SCAI: variants seen among roughly 807,000 people sequenced by gnomAD.
The protein encoded by SCAI is suppressor of cancer cell invasion.
A neutral mutation model predicts 92.2 loss-of-function variants in SCAI; 24 were observed. The observed-to-expected ratio is 0.26, with a 90% CI of 0.19 to 0.37. The LOEUF (loss-of-function observed/expected upper bound fraction) is 0.37. SCAI is among the 10% of genes least tolerant of loss of function. The pLI, the probability that SCAI is intolerant of heterozygous loss-of-function variation, is 1.00. For missense variants in SCAI, 450 were observed against 736.2 expected (o/e 0.61, Z 4.50); for synonymous variants, 261 against 258.6 (o/e 1.01, Z -0.09).
intron 14 of SCAI, among the ~76,000 whole-genome samples, chr9:124,985,142 C>T (rs568527716): frequency 6.6e-6 from 1 of 152,146 alleles, no homozygotes; most frequent in Non-Finnish European, 1.5e-5. Context: ...AAGGGTACAC[C>T]CTTTAACCTG....
intron 17 of SCAI, among the ~76,000 whole-genome samples, chr9:124,964,815 C>T (rs143698102): frequency 4.6e-5 from 7 of 152,214 alleles, no homozygotes; most frequent in African/African-American, 1.7e-4. Context: ...GTTGTCCAGA[C>T]CTTCTTGTTG....
chr9:125,141,162 TAAATA>T (rs1485134155), intron 2 of SCAI, among the ~76,000 whole-genome samples: 3 of 152,174 alleles, frequency 2.0e-5, no homozygotes, highest in Admixed American at 1.3e-4. Flanking sequence ...TAATTACAAT[TAAATA>T]AAATTAAAAA....
In SCAI at chr9:125,018,816, C is replaced by T; in HGVS notation, c.844G>A (p.Gly282Ser). The change falls in exon 9 of 18, where the codon GGT (glycine) becomes AGT (serine). Residue 282 changes from glycine (G) to serine (S), a missense_variant. Gly to Ser is a moderately conservative substitution (Grantham distance 56). Transcript: ENST00000336505. The part of the protein sequence containing the change: ...QLSLADALII[G>S]NCNNQVKFSE... ...TTCTTTACCTGATTATTACAATTAC[C>T]AATAATGAGTGCGTCAGCCAGAGAC... 6.2e-7 allele frequency: 1 copy of T among 1,610,302 alleles called. No homozygotes were observed. Among genetic ancestry groups the T allele is most frequent in the Non-Finnish European group, 8.5e-7 (1 of 1,178,944 alleles).
intron 2 of SCAI, among the ~76,000 whole-genome samples, chr9:125,076,324 C>T (rs1269520172): frequency 6.7e-6 from 1 of 149,186 alleles, no homozygotes; most frequent in Non-Finnish European, 1.5e-5. Context: ...CATGGTGAGA[C>T]CCCATTGCTA....
At chr9:125,090,341 T>A (rs1217798722) in intron 2 of SCAI, among the ~76,000 whole-genome samples, 1 of 150,336 alleles carries the variant, frequency 6.7e-6, no homozygotes, top group South Asian at 2.1e-4. Flanking sequence ...AGGGAGGATG[T>A]GGAGGAGAGA....
chr9:124,946,207 C>T lies in SCAI; in HGVS notation c.*6600G>A, dbSNP rs1350797279. 2 of 152,130 alleles carry T rather than the reference C, an allele frequency of 1.3e-5. No individual in the cohort carries two copies. Among genetic ancestry groups the T allele is most frequent in the East Asian group, 3.8e-4 (2 of 5,204 alleles). 9.4% of individuals were successfully genotyped at this position (152,130 alleles called of 1,614,324 possible). On this transcript the variant is annotated 3_prime_UTR_variant, in exon 18 of 18. Transcript: ENST00000336505. The surrounding 1 kb of genome is among the most constrained non-coding windows in gnomAD (Gnocchi z 4.0). ...ATGATTTGGTTATTCAAACAACAAA[C>T]CATCAGATCCTATGGATGTTTTCAC...
At chr9:125,112,508 GTC>G (rs1273321409) in intron 2 of SCAI, among the ~76,000 whole-genome samples, 1 of 152,170 alleles carries the variant, frequency 6.6e-6, no homozygotes, top group Non-Finnish European at 1.5e-5. Flanking sequence ...GAGCCATATA[GTC>G]TCTGTCATAA....
rs1486737248 is a variant in SCAI, at chr9:125,015,578, G to A, written c.861+3221C>T. 1.1e-4 allele frequency among the ~76,000 whole-genome samples: 17 copies of A among 152,282 alleles called. No homozygotes were observed. The East Asian group carries it at 2.3e-3, about 21-fold the overall frequency. On this transcript the variant is annotated intron_variant, in intron 9 of 17. Transcript: ENST00000336505. ...GAAATAGGAACACTTTTACACTATTGGTGGGACTGTAAACTAGTTCAACCA... is the reference window on the plus strand; with the variant it reads ...GAAATAGGAACACTTTTACACTATTAGTGGGACTGTAAACTAGTTCAACCA...
rs979931797 is a variant in SCAI at position 124,950,168 on chromosome 9, A to G, written c.*2639T>C. 1 of 152,190 alleles carries G rather than the reference A, an allele frequency of 6.6e-6. No homozygotes were observed. Among genetic ancestry groups the G allele is most frequent in the Non-Finnish European group, 1.5e-5 (1 of 68,032 alleles). 9.4% of individuals were successfully genotyped at this position (152,190 alleles called of 1,614,324 possible). ...AACAAAATCTAGGTAAATATGACTT[A>G]CAAAAGAAAAGGTTGTGTACACTAC... On this transcript the variant is annotated 3_prime_UTR_variant, in exon 18 of 18. Transcript: ENST00000336505.
At chr9:125,111,037 C>A (rs1322820363) in intron 2 of SCAI, among the ~76,000 whole-genome samples, 3 of 152,094 alleles carry the variant, frequency 2.0e-5, no homozygotes, top group Non-Finnish European at 4.4e-5. Context: ...CCTTGGATAA[C>A]CATTTATAAG....
At chr9:125,128,285 C>T (rs1181634165) in intron 2 of SCAI, among the ~76,000 whole-genome samples, 1 of 152,192 alleles carries the variant, frequency 6.6e-6, no homozygotes, top group Non-Finnish European at 1.5e-5. Context: ...CACTGCCCTC[C>T]AGCCTGGGCA....
chr9:124,968,274 C>T (rs1831577991), intron 17 of SCAI: 2 of 1,138,158 alleles, frequency 1.8e-6, no homozygotes, highest in Non-Finnish European at 2.6e-6. Context: ...CTTTTAATAT[C>T]CTTAAAACCG....
At position 124,999,912 on chromosome 9, in the gene SCAI, T is replaced by C; in HGVS notation, c.1223A>G (p.Gln408Arg). ...INGDAIHKRN[Q>R]SHKEMHCLHP... ...ATACCAGTGCATTTCCTTGTGGGAC[T>C]GATTTCGTTTGTGGATGGCATCTCC... Residue 408 changes from glutamine to arginine, a missense_variant, in exon 13 of 18, where the codon CAG (glutamine) becomes CGG (arginine). Physicochemically the swap from Gln to Arg is conservative, Grantham distance 43. Around this residue, in one of 3 missense-constraint regions of SCAI, gnomAD observed 360 missense variants for 601.8 expected, o/e 0.60. Coordinates refer to ENST00000336505, the MANE Select transcript of SCAI (RefSeq NM_001144877.3). The C allele has an allele frequency of 6.3e-7, 1 of 1,580,856 alleles. No homozygotes were observed. Among genetic ancestry groups the C allele is most frequent in the Non-Finnish European group, 8.7e-7 (1 of 1,155,208 alleles).
intron 2 of SCAI, among the ~76,000 whole-genome samples, chr9:125,132,698 G>T (rs1835428504): frequency 6.6e-6 from 1 of 152,188 alleles, no homozygotes; most frequent in Non-Finnish European, 1.5e-5. Context: ...GGCTGGTGCG[G>T]TGGCTCATGC....
intron 9 of SCAI, among the ~76,000 whole-genome samples, chr9:125,015,242 G>C (rs1443089628): frequency 6.6e-6 from 1 of 152,130 alleles, no homozygotes; most frequent in East Asian, 1.9e-4. Context: ...AGAATGAACA[G>C]GCAACCTACA....
At chr9:124,961,367 G>C (rs1297892963) in intron 17 of SCAI, among the ~76,000 whole-genome samples, 1 of 151,822 alleles carries the variant, frequency 6.6e-6, no homozygotes. Flanking sequence ...AAATAAGATG[G>C]TGTCAGGCGT....
chr9:125,042,844 A>T (rs983398295), intron 3 of SCAI, among the ~76,000 whole-genome samples: 1 of 116,150 alleles, frequency 8.6e-6, no homozygotes, highest in Admixed American at 9.2e-5. Context: ...CTGGGACCAC[A>T]TTCTGCTCCC....
intron 9 of SCAI, among the ~76,000 whole-genome samples, chr9:125,017,558 G>A (rs1488698915): frequency 6.6e-6 from 1 of 152,098 alleles, no homozygotes; most frequent in East Asian, 1.9e-4. Flanking sequence ...GCTAGGATAG[G>A]ATCCAAAATT....
chr9:125,100,799 T>C (rs1834661560), intron 2 of SCAI, among the ~76,000 whole-genome samples: 1 of 151,944 alleles, frequency 6.6e-6, no homozygotes, highest in Admixed American at 6.6e-5. Context: ...CAAAAATAAC[T>C]TGAAGGAGGT....
Sources: allele counts gnomAD v4.1 joint callset (sites outside exome capture counted in the v4.1 genomes callset), GRCh38; gene constraint gnomAD v4.1.1; regional missense constraint gnomAD v4.1.1; non-coding constraint Gnocchi (gnomAD v3.1); transcripts MANE v1.5; gene names NCBI Gene and HGNC (gene_info 2026-07-23, HGNC 2026-07-21).